COL5A1: variants seen among roughly 807,000 people sequenced by gnomAD.
COL5A1 encodes the protein collagen alpha-1(V) chain.
A neutral mutation model predicts 263.7 loss-of-function variants in COL5A1; 16 were observed. The ratio of observed to expected loss-of-function variants is 0.06; its 90% CI spans 0.04 to 0.09. The LOEUF is 0.09. COL5A1 is among the 10% of genes least tolerant of loss of function. COL5A1 has a pLI of 1.00. For missense variants in COL5A1, 2,036 were observed against 2,540.5 expected (o/e 0.80, Z 4.27); for synonymous variants, 1,012 against 1,004.5 (o/e 1.01, Z -0.14).
chr9:134,772,957 C>G lies in COL5A1; in HGVS notation c.2331+123C>G, dbSNP rs920443207. On this transcript the variant is annotated intron_variant, in intron 26 of 65. Coordinates refer to ENST00000371817, the MANE Select transcript of COL5A1 (RefSeq NM_000093.5). ...AGGAAGGAGCCGGGGACACTCAGCC[C>G]TTCCTCAGGTGTCTCCGCCAAGGGA... 1.8e-5 allele frequency: 19 copies of G among 1,047,452 alleles called. No individual in the cohort carries two copies. In the African/African-American group the frequency reaches 2.4e-4, roughly 13 times the overall value. The allele number at this position is 1,047,452 out of a possible 1,614,324, so 64.9% of individuals were successfully genotyped here. A position where few individuals can be genotyped will look rare whatever the true frequency, so the allele number is the denominator to read the frequency against.
At chr9:134,792,780 TAC>T (rs1482380125) in intron 32 of COL5A1, among the ~76,000 whole-genome samples, 1 of 38,716 alleles carries the variant, frequency 2.6e-5, no homozygotes, top group East Asian at 3.9e-4. Context: ...TGCGTGTGTG[TAC>T]ATATGTGTGT....
At position 134,654,361 on chromosome 9, in the gene COL5A1, G is replaced by A. The variant is rs1282775075; in HGVS notation, c.109+12065G>A. On this transcript the variant is annotated intron_variant, in intron 1 of 65. Coordinates refer to ENST00000371817, the MANE Select transcript of COL5A1 (RefSeq NM_000093.5). ...GGGCTGGGGGTGTGTAGGGCTGGGA[G>A]TGTGTAGGGCTGGGGTGTATAGTGC... 3.1e-5 allele frequency among the ~76,000 whole-genome samples: 4 copies of A among 127,850 alleles called. No homozygotes were observed. The East Asian group carries it at 1.1e-3, about 35-fold the overall frequency. The allele number at this position is 127,850 out of a possible 152,430, so 83.9% of individuals were successfully genotyped here. A position where few individuals can be genotyped will look rare whatever the true frequency, so the allele number is the denominator to read the frequency against.
At chr9:134,674,385 C>T (rs552213465) in intron 1 of COL5A1, among the ~76,000 whole-genome samples, 2 of 152,230 alleles carry the variant, frequency 1.3e-5, no homozygotes, top group East Asian at 1.9e-4. Context: ...ACACGAAAGA[C>T]GCAGGGGACA....
rs375849402 is a variant in COL5A1, at chr9:134,812,759, A to AGT, written c.3852+60_3852+61dup. On this transcript the variant is annotated intron_variant, in intron 48 of 65. Coordinates refer to ENST00000371817, the MANE Select transcript of COL5A1 (RefSeq NM_000093.5). ...GTGGCAGATTTGCGGTTGTTTGAGG[A>AGT]GTGTGTGTGTGTGTCTGTGTGTGTG... is the stretch of plus-strand genomic sequence containing the variant. 131,708 of 961,314 alleles carry AGT rather than the reference A, an allele frequency of 0.14. 3,932 individuals are homozygous for AGT. The highest frequency in any genetic ancestry group is 0.22 in the African/African-American group (9,936 of 45,070). 59.5% of individuals were successfully genotyped at this position (961,314 alleles called of 1,614,324 possible).
intron 11 of COL5A1, among the ~76,000 whole-genome samples, chr9:134,740,404 C>T (rs1442740482): frequency 2.0e-5 from 3 of 152,214 alleles, no homozygotes; most frequent in Non-Finnish European, 4.4e-5. Flanking sequence ...GCAGAGCTGC[C>T]TGCGGATGGG....
At chr9:134,748,112 TAC>T (rs1043214579) in intron 11 of COL5A1, among the ~76,000 whole-genome samples, 12 of 78,170 alleles carry the variant, frequency 1.5e-4, no homozygotes, top group African/African-American at 4.3e-4. Flanking sequence ...CACACATGCA[TAC>T]ACAGACATGC....
chr9:134,693,867 G>A (rs1464918659), intron 2 of COL5A1, among the ~76,000 whole-genome samples: 3 of 152,144 alleles, frequency 2.0e-5, no homozygotes, highest in African/African-American at 7.2e-5. Context: ...GCTTGGGACC[G>A]ACACGGTCTC....
At chr9:134,788,732 G>C (rs1442570560) in intron 31 of COL5A1, among the ~76,000 whole-genome samples, 1 of 151,458 alleles carries the variant, frequency 6.6e-6, no homozygotes, top group Admixed American at 6.6e-5. Flanking sequence ...TAGGTGGGCA[G>C]ATGGGTAAAC....
In COL5A1 at chr9:134,741,545, G is replaced by A. The variant is rs535457685; in HGVS notation, c.1494+2737G>A. On this transcript the variant is annotated intron_variant, in intron 11 of 65. Transcript: ENST00000371817. The surrounding 1 kb of genome is among the most constrained non-coding windows in gnomAD (Gnocchi z 4.5). ...AAGTCTGTTGATGCAGATTCACTGG[G>A]GGCTGGCCTCCCTCTCAGGTGATAA... Among the ~76,000 whole-genome samples the A allele has an allele frequency of 6.6e-6, 1 of 152,182 alleles. No homozygotes were observed. The highest frequency in any genetic ancestry group is 2.4e-5 in the African/African-American group (1 of 41,506).
rs138702819 is a variant in COL5A1 at position 134,730,310 on chromosome 9, C to T, written c.999C>T (p.Val333=). The T allele has an allele frequency of 3.7e-5, 60 of 1,614,232 alleles. No homozygotes were observed. In the African/African-American group the frequency reaches 4.9e-4, roughly 13 times the overall value. The change falls in exon 7 of 66, where the codon GTC becomes GTT. Residue 333 remains valine, a synonymous_variant. Transcript: ENST00000371817. The part of the protein sequence containing the change: ...TSEGAGKEED[V]GIGDYDYVPS... ...AAGGGGCTGGGAAGGAAGAGGACGT[C>T]GGCATCGGGGACTATGACTACGTGC...
chr9:134,732,916 G>C (rs3124312), intron 9 of COL5A1, among the ~76,000 whole-genome samples: 1 of 151,754 alleles, frequency 6.6e-6, no homozygotes, highest in Non-Finnish European at 1.5e-5. Flanking sequence ...TTGATGCCCC[G>C]CCCCGCCGCC....
intron 1 of COL5A1, among the ~76,000 whole-genome samples, chr9:134,687,600 G>T (rs1201454991): frequency 6.6e-6 from 1 of 152,188 alleles, no homozygotes; most frequent in Non-Finnish European, 1.5e-5. Context: ...CTGGCCTTCT[G>T]TGCATCAGAT....
intron 1 of COL5A1, among the ~76,000 whole-genome samples, chr9:134,684,613 C>A (rs1379760909): frequency 1.3e-5 from 2 of 152,190 alleles, no homozygotes; most frequent in Admixed American, 1.3e-4. Flanking sequence ...TCATGTCCTG[C>A]AGCTGTGTGA....
intron 62 of COL5A1, among the ~76,000 whole-genome samples, chr9:134,825,378 T>G (rs9409921): frequency 0.73 from 111,278 of 152,094 alleles, 40,855 homozygotes; most frequent in South Asian, 0.81. Context: ...CCATTAGCTT[T>G]TCTTCCCCCT....
intron 44 of COL5A1, chr9:134,810,591 A>C (rs769655884): frequency 2.2e-6 from 1 of 461,950 alleles, no homozygotes; most frequent in Admixed American, 3.7e-5. Context: ...TGGGTTCTGC[A>C]GACACACCCA....
chr9:134,827,619 G>T (rs573719003), intron 63 of COL5A1, among the ~76,000 whole-genome samples: 5 of 152,208 alleles, frequency 3.3e-5, no homozygotes, highest in Non-Finnish European at 5.9e-5. Flanking sequence ...GGGAAGCCGC[G>T]GCTGGTGTTC....
Position 134,682,624 on chromosome 9 carries a change from A to C in COL5A1, c.110-8288A>C, listed in dbSNP as rs10858267. On this transcript the variant is annotated intron_variant, in intron 1 of 65. Transcript: ENST00000371817. This position sits in a 1 kb window ranked among gnomAD's most constrained non-coding sequence, Gnocchi z 5.1. ...GAGGTCAGGCAGGTGGGCGAGTCAG[A>C]ACTGAGGGGCACTCCTTGACTGGAA... Among the ~76,000 whole-genome samples, 103,419 of 152,110 alleles carry C rather than the reference A, an allele frequency of 0.68. 35,743 individuals carry two copies. Among genetic ancestry groups the C allele is most frequent in the South Asian group, 0.82 (3,963 of 4,828 alleles).
intron 4 of COL5A1, among the ~76,000 whole-genome samples, chr9:134,702,273 C>T (rs1419374221): frequency 1.3e-5 from 2 of 152,182 alleles, no homozygotes; most frequent in African/African-American, 2.4e-5. Flanking sequence ...AAAACCTGTT[C>T]GAAAGCCACT....
intron 4 of COL5A1, among the ~76,000 whole-genome samples, chr9:134,713,441 G>A (rs889994129): frequency 2.0e-5 from 3 of 152,222 alleles, no homozygotes; most frequent in Non-Finnish European, 2.9e-5. Context: ...AGAGACACCC[G>A]GGAGTTGCAT....
Sources: allele counts gnomAD v4.1 joint callset (sites outside exome capture counted in the v4.1 genomes callset), GRCh38; gene constraint gnomAD v4.1.1; non-coding constraint Gnocchi (gnomAD v3.1); transcripts MANE v1.5; gene names NCBI Gene and HGNC (gene_info 2026-07-23, HGNC 2026-07-21).